Variants in OTOGL observed in about 807,000 individuals in gnomAD.
OTOGL encodes otogelin-like protein.
A neutral mutation model predicts 318.5 loss-of-function variants in OTOGL; 285 were observed. The observed-to-expected ratio is 0.89, with a 90% confidence interval of 0.81 to 0.99. The LOEUF is 0.99. OTOGL is among the 50% of genes least tolerant of loss of function. OTOGL has a pLI of 0.00. For synonymous variants in OTOGL, 987 were observed against 936.5 expected (o/e 1.05, Z -0.99); for missense variants, 2,899 against 2,845.6 (o/e 1.02, Z -0.43).
chr12:80,229,418 A>C, intron 8 of OTOGL, 40 bp downstream of exon 8: 1 of 1,557,840 alleles, frequency 6.4e-7, no homozygotes, highest in Admixed American at 1.7e-5. Flanking sequence ...TAACACCACA[A>C]ATTAATAGAA....
intron 11 of OTOGL, 111 bp downstream of exon 11, chr12:80,239,550 T>A: frequency 1.3e-6 from 1 of 752,094 alleles, no homozygotes; most frequent in East Asian, 2.8e-5. Flanking sequence ...TTATGGGAAA[T>A]GTAAAATATA....
At chr12:80,237,901 A>G (rs1880007552) in intron 9 of OTOGL, among the ~76,000 whole-genome samples, 1 of 152,108 alleles carries the variant, frequency 6.6e-6, no homozygotes, top group Non-Finnish European at 1.5e-5. Flanking sequence ...TGACCATGCA[A>G]ATCTGGGTGG....
At chr12:80,214,878 C>A (rs886670203) in intron 4 of OTOGL, among the ~76,000 whole-genome samples, 29 of 152,008 alleles carry the variant, frequency 1.9e-4, no homozygotes, top group African/African-American at 6.8e-4. Flanking sequence ...ATGTAAGATG[C>A]CATTCTGAGT....
Position 80,356,417 on chromosome 12 carries a change from A to C in OTOGL, c.5808A>C (p.Gly1936=). Residue 1936 remains glycine (G), a splice_region_variant and synonymous_variant, in exon 48 of 59, where the codon GGA becomes GGC. Transcript: ENST00000547103. ...KWTCCSKEVC[G]CDTTLCETSI... is the part of the protein sequence containing the mutation. ...TTTAACAGTTTTTCTTATTTATAGG[A>C]TGTGACACGACTTTGTGTGAAACTA... 6.2e-7 allele frequency: 1 copy of C among 1,606,586 alleles called. No homozygotes were observed. Among genetic ancestry groups the C allele is most frequent in the Non-Finnish European group, 8.5e-7 (1 of 1,175,976 alleles).
intron 44 of OTOGL, among the ~76,000 whole-genome samples, chr12:80,346,958 G>C (rs1889236185): frequency 6.6e-6 from 1 of 152,124 alleles, no homozygotes; most frequent in Non-Finnish European, 1.5e-5. Flanking sequence ...TTCCATCCAA[G>C]CTATCACTAA....
chr12:80,348,501 C>T (rs1337691804), intron 44 of OTOGL, among the ~76,000 whole-genome samples: 1 of 152,102 alleles, frequency 6.6e-6, no homozygotes, highest in Admixed American at 6.6e-5. Flanking sequence ...GGTACCAGTA[C>T]CATGCTGTTT....
At chr12:80,371,976 G>A in intron 56 of OTOGL, 43 bp from the exon 57 acceptor site, 2 of 1,325,538 alleles carry the variant, frequency 1.5e-6, no homozygotes, top group South Asian at 1.5e-5. Flanking sequence ...GAACATGGAA[G>A]AACACCATAT....
chr12:80,337,717 G>A (rs1449556913), intron 42 of OTOGL, among the ~76,000 whole-genome samples: 1 of 151,968 alleles, frequency 6.6e-6, no homozygotes, highest in African/African-American at 2.4e-5. Flanking sequence ...TAAAATGGCT[G>A]AAGTACTATG....
chr12:80,176,109 A>T (rs1402871496), intron 1 of OTOGL, among the ~76,000 whole-genome samples: 5 of 152,222 alleles, frequency 3.3e-5, no homozygotes, highest in Admixed American at 1.3e-4. Flanking sequence ...TTGAACAACT[A>T]GTATTCATCT....
At position 80,270,035 on chromosome 12, in the gene OTOGL, G is replaced by A. The variant is rs759708357; in HGVS notation, c.2466-67G>A. The A allele has an allele frequency of 3.1e-5, 36 of 1,153,694 alleles. No individual in the cohort carries two copies. In the East Asian group the frequency reaches 4.6e-4, roughly 15 times the overall value. The allele number at this position is 1,153,694 out of a possible 1,614,324, so 71.5% of individuals were successfully genotyped here. On this transcript the variant is annotated intron_variant, in intron 22 of 58. Transcript: ENST00000547103. ...AATTCTTGTACGTTAGATTGTTGTCGAAATTCAGGGAAAAAAAAAAAAACA... is the reference window on the plus strand; with the variant it reads ...AATTCTTGTACGTTAGATTGTTGTCAAAATTCAGGGAAAAAAAAAAAAACA...
chr12:80,319,728 C>A (rs1161385926), intron 33 of OTOGL, among the ~76,000 whole-genome samples: 1 of 151,892 alleles, frequency 6.6e-6, no homozygotes, highest in Non-Finnish European at 1.5e-5. Flanking sequence ...GAAAATCAAC[C>A]TAAAATAATC....
intron 44 of OTOGL, among the ~76,000 whole-genome samples, chr12:80,343,305 A>G (rs907035372): frequency 1.3e-5 from 2 of 152,136 alleles, no homozygotes; most frequent in African/African-American, 2.4e-5. Context: ...CTTCACAGAT[A>G]TCAAAATCCT....
Position 80,352,393 on chromosome 12 carries a change from C to A in OTOGL, c.5364C>A (p.Asn1788Lys), listed in dbSNP as rs1889605831. The change falls in exon 45 of 59, where the codon AAC becomes AAA. Residue 1788 changes from asparagine (N) to lysine (K), a missense_variant. By Grantham distance (94) the Asn-to-Lys change is moderately conservative. Coordinates refer to ENST00000547103, the MANE Select transcript of OTOGL (RefSeq NM_001378609.3). The stretch of plus-strand genomic sequence containing the variant: ...TTTCTGCATATGTGGCTCTGTGCAA[C>A]AAGTTTGATATCTGTATTCAGTGGA... The part of the protein sequence containing the change: ...DALSAYVALC[N>K]KFDICIQWRT... 6.2e-7 allele frequency: 1 copy of A among 1,612,044 alleles called. No homozygotes were observed.
chr12:80,249,431 G>A lies in OTOGL; in HGVS notation c.1053-2262G>A, dbSNP rs569520312. Reference sequence around the variant, plus strand: ...CTGTTGGAATACCCTGCCGTGTGAGGTGTCAGTGTGCCCCTGCTGGGGGGT... The same window carrying A: ...CTGTTGGAATACCCTGCCGTGTGAGATGTCAGTGTGCCCCTGCTGGGGGGT... On this transcript the variant is annotated intron_variant, in intron 11 of 58. Transcript: ENST00000547103. Among the ~76,000 whole-genome samples, 643 of 151,482 alleles carry A rather than the reference G, an allele frequency of 4.2e-3. 6 individuals are homozygous for A. The highest frequency in any genetic ancestry group is 5.5e-3 in the Non-Finnish European group (376 of 67,992).
chr12:80,207,642 A>G (rs1253293234), intron 1 of OTOGL, among the ~76,000 whole-genome samples: 1 of 152,200 alleles, frequency 6.6e-6, no homozygotes, highest in African/African-American at 2.4e-5. Context: ...AAGAGAAACT[A>G]TTGTAAAATG....
At chr12:80,347,565 A>C (rs945984959) in intron 44 of OTOGL, among the ~76,000 whole-genome samples, 2 of 152,044 alleles carry the variant, frequency 1.3e-5, no homozygotes, top group African/African-American at 2.4e-5. Flanking sequence ...GGTTGGTTCC[A>C]AGTCTTTGCT....
rs182611468 is a variant in OTOGL, at chr12:80,353,399, T to C, written c.5482T>C (p.Trp1828Arg). The C allele has an allele frequency of 9.4e-6, 15 of 1,603,234 alleles. No homozygotes were observed. In the African/African-American group the frequency reaches 1.2e-4, roughly 13 times the overall value. The change falls in exon 46 of 59, where the codon TGG (tryptophan) becomes CGG (arginine). Residue 1828 changes from tryptophan to arginine, a missense_variant. Trp to Arg is a moderately radical substitution (Grantham distance 101). Transcript: ENST00000547103. ...TGAAGCAAGAACATGCCTGAACCAA[T>C]GGTTCTATGGACACACTTCCTGTTT... Reference protein sequence around the residue: ...PCEARTCLNQWFYGHTSCLNL... With the variant: ...PCEARTCLNQRFYGHTSCLNL...
At position 80,369,363 on chromosome 12, in the gene OTOGL, T is replaced by A. The variant is rs114424145; in HGVS notation, c.6615+1054T>A. ...ATCCTTTAAGATTATATCTATAGAT[T>A]GGCCTGATACTTGATTAAACAGGAA... On this transcript the variant is annotated intron_variant, in intron 55 of 58. Coordinates refer to ENST00000547103, the MANE Select transcript of OTOGL (RefSeq NM_001378609.3). Among the ~76,000 whole-genome samples the A allele has an allele frequency of 9.0e-3, 1,377 of 152,206 alleles. 11 individuals are homozygous for A. Among genetic ancestry groups the A allele is most frequent in the African/African-American group, 0.028 (1,144 of 41,570 alleles).
chr12:80,102,484 C>G (rs1020803783), intron 1 of OTOGL, among the ~76,000 whole-genome samples: 1 of 152,220 alleles, frequency 6.6e-6, no homozygotes, highest in East Asian at 1.9e-4. Flanking sequence ...CCTATGTCCA[C>G]TTGATTACCA....
Sources: allele counts gnomAD v4.1 joint callset (sites outside exome capture counted in the v4.1 genomes callset), GRCh38; gene constraint gnomAD v4.1.1; transcripts MANE v1.5; gene names NCBI Gene and HGNC (gene_info 2026-07-23, HGNC 2026-07-21).